MDGA2: variants seen among roughly 807,000 people sequenced by gnomAD.
MDGA2 encodes MAM domain containing glycosylphosphatidylinositol anchor 2.
A neutral mutation model predicts 117.8 loss-of-function variants in MDGA2; 40 were observed. The observed-to-expected ratio is 0.34, with a 90% CI of 0.26 to 0.44. MDGA2 has a LOEUF of 0.44. MDGA2 is among the 20% of genes least tolerant of loss of function. The pLI, the probability that MDGA2 is intolerant of heterozygous loss-of-function variation, is 1.00. For missense variants in MDGA2, 1,123 were observed against 1,250.6 expected (o/e 0.90, Z 1.54); for synonymous variants, 452 against 439.0 (o/e 1.03, Z -0.37).
intron 1 of MDGA2, among the ~76,000 whole-genome samples, chr14:47,474,178 T>C (rs1184141392): frequency 1.3e-5 from 2 of 152,104 alleles, no homozygotes; most frequent in East Asian, 3.9e-4. Flanking sequence ...AGCATTCCTA[T>C]ACACCAATAA....
intron 3 of MDGA2, among the ~76,000 whole-genome samples, chr14:47,154,798 C>CA (rs1883303239): frequency 6.6e-6 from 1 of 152,176 alleles, no homozygotes; most frequent in Non-Finnish European, 1.5e-5. Flanking sequence ...GCCAGGGCGC[C>CA]ATGAAGAGGC....
chr14:47,474,192 G>A (rs974767175), intron 1 of MDGA2, among the ~76,000 whole-genome samples: 10 of 151,832 alleles, frequency 6.6e-5, no homozygotes, highest in African/African-American at 2.4e-4. Context: ...CCAATAAAAG[G>A]CAAGATGAGA....
intron 3 of MDGA2, among the ~76,000 whole-genome samples, chr14:47,147,927 A>G (rs1047558775): frequency 6.6e-6 from 1 of 152,150 alleles, no homozygotes; most frequent in African/African-American, 2.4e-5. Context: ...GTCAGATTTG[A>G]GCCCTTGATC....
chr14:47,261,900 A>C (rs1293396737), intron 2 of MDGA2, among the ~76,000 whole-genome samples: 1 of 152,138 alleles, frequency 6.6e-6, no homozygotes, highest in Non-Finnish European at 1.5e-5. Context: ...GTAAACAAGG[A>C]GAGTGGGGGA....
chr14:47,406,076 C>T (rs1892254122), intron 1 of MDGA2, among the ~76,000 whole-genome samples: 1 of 151,972 alleles, frequency 6.6e-6, no homozygotes, highest in Non-Finnish European at 1.5e-5. Context: ...AAATACTATG[C>T]AAGTGGTTTA....
intron 5 of MDGA2, among the ~76,000 whole-genome samples, chr14:47,121,381 T>C (rs1243773767): frequency 1.3e-5 from 2 of 152,064 alleles, no homozygotes; most frequent in Admixed American, 6.6e-5. Flanking sequence ...ACATGCATAA[T>C]AGTAATATAA....
intron 8 of MDGA2, among the ~76,000 whole-genome samples, chr14:46,993,180 G>T (rs747382107): frequency 5.3e-5 from 8 of 152,056 alleles, no homozygotes; most frequent in Middle Eastern, 3.4e-3. Context: ...ATGATGCGAG[G>T]TATGCTTTTA....
At chr14:47,218,304 C>T in intron 2 of MDGA2, 109 bp from the exon 3 acceptor site, 3 of 913,358 alleles carry the variant, frequency 3.3e-6, no homozygotes, top group Non-Finnish European at 4.7e-6. Flanking sequence ...TACATTGCCT[C>T]TCCCATCAAA....
Position 46,841,125 on chromosome 14 carries a change from T to A in MDGA2, c.*806A>T, listed in dbSNP as rs1880591719. On this transcript the variant is annotated 3_prime_UTR_variant, in exon 17 of 17. Coordinates refer to ENST00000399232, the MANE Select transcript of MDGA2 (RefSeq NM_001113498.3). ...TTTCATTGAAGGCACTTGGTTTCCA[T>A]GGCAATTTATAAAAGATGGTGGTTT... The A allele has an allele frequency of 6.5e-6, 1 of 152,734 alleles. No individual in the cohort carries two copies. Among genetic ancestry groups the A allele is most frequent in the Admixed American group, 6.5e-5 (1 of 15,274 alleles). The allele number at this position is 152,734 out of a possible 1,614,324, so 9.5% of individuals were successfully genotyped here.
intron 6 of MDGA2, among the ~76,000 whole-genome samples, chr14:47,073,323 C>T (rs1890363151): frequency 6.6e-6 from 1 of 152,116 alleles, no homozygotes; most frequent in African/African-American, 2.4e-5. Context: ...GTCAGACTGC[C>T]TGGTTCTAAT....
intron 1 of MDGA2, among the ~76,000 whole-genome samples, chr14:47,548,004 A>G (rs549734915): frequency 6.6e-6 from 1 of 152,348 alleles, no homozygotes; most frequent in African/African-American, 2.4e-5. Context: ...CACAAATTAC[A>G]TCCTTATATA....
At chr14:47,234,177 T>C (rs2139581130) in intron 2 of MDGA2, among the ~76,000 whole-genome samples, 1 of 151,514 alleles carries the variant, frequency 6.6e-6, no homozygotes, top group African/African-American at 2.4e-5. Context: ...TAATAATATA[T>C]GTGTGTGCAT....
intron 1 of MDGA2, among the ~76,000 whole-genome samples, chr14:47,434,565 G>A (rs1892861097): frequency 1.3e-5 from 2 of 152,066 alleles, no homozygotes; most frequent in South Asian, 4.1e-4. Flanking sequence ...TAAAACCAGT[G>A]TGGACTTTTG....
rs55827732 is a variant in MDGA2 at position 47,155,888 on chromosome 14, C to CTT, written c.596-11616_596-11615dup. 2.6e-3 allele frequency among the ~76,000 whole-genome samples: 106 copies of CTT among 40,162 alleles called. 13 individuals are homozygous for CTT. The highest frequency in any genetic ancestry group is 3.3e-3 in the East Asian group (5 of 1,536). The allele number at this position is 40,162 out of a possible 152,430, so 26.3% of individuals were successfully genotyped here. ...ATTCTTTTCTTTTCTTCTTCTTCTT[C>CTT]TTTTTTTTTTTTTTTTTTTTTTTTT... is the stretch of plus-strand genomic sequence containing the variant. On this transcript the variant is annotated intron_variant, in intron 3 of 16. Coordinates refer to ENST00000399232, the MANE Select transcript of MDGA2 (RefSeq NM_001113498.3).
chr14:47,264,190 A>G (rs890468376), intron 2 of MDGA2, among the ~76,000 whole-genome samples: 1 of 152,132 alleles, frequency 6.6e-6, no homozygotes, highest in African/African-American at 2.4e-5. Flanking sequence ...TCTATAATGA[A>G]CTCACTAATA....
intron 1 of MDGA2, among the ~76,000 whole-genome samples, chr14:47,389,411 A>G (rs997157895): frequency 2.6e-5 from 4 of 152,178 alleles, no homozygotes; most frequent in African/African-American, 9.7e-5. Flanking sequence ...TGTTTCTTAG[A>G]CTGACCTTAC....
At chr14:47,295,643 A>C (rs376182786) in intron 2 of MDGA2, among the ~76,000 whole-genome samples, 2 of 152,070 alleles carry the variant, frequency 1.3e-5, no homozygotes, top group East Asian at 3.9e-4. Context: ...GTGGCTCACA[A>C]CTGTAATCCT....
At chr14:46,948,790 C>T (rs17117768) in intron 9 of MDGA2, among the ~76,000 whole-genome samples, 18,279 of 152,018 alleles carry the variant, frequency 0.12, 2,117 homozygotes, top group African/African-American at 0.28. Context: ...AAATGCAAAG[C>T]TATCTCTCAG....
Position 47,097,056 on chromosome 14 carries a change from T to C in MDGA2, c.993A>G (p.Leu331=). ...IVVNPGEAIT[L]VCVTTGGEPA... is the part of the protein sequence containing the mutation. ...GCTCTCCTCCTGTTGTAACACATAC[T>C]AATGTTATGGCCTCTCCAGGATTTA... The change falls in exon 6 of 17, where the codon TTA becomes TTG. Residue 331 remains leucine (L), a synonymous_variant. Transcript: ENST00000399232. 1 of 1,613,304 alleles carries C rather than the reference T, an allele frequency of 6.2e-7. No individual in the cohort carries two copies. The highest frequency in any genetic ancestry group is 8.5e-7 in the Non-Finnish European group (1 of 1,179,402).
Sources: gnomAD v4.1 joint callset for allele counts (sites outside exome capture counted in the v4.1 genomes callset) on GRCh38, gnomAD v4.1.1 for gene constraint, MANE v1.5 for transcripts, NCBI Gene and HGNC (gene_info 2026-07-23, HGNC 2026-07-21) for gene names.